TRHDE: variants seen among roughly 807,000 people sequenced by gnomAD.
TRHDE encodes thyrotropin releasing hormone degrading enzyme.
In TRHDE, 72 loss-of-function variants were observed where a neutral mutation model predicts 125.7. The ratio of observed to expected loss-of-function variants is 0.57; its 90% CI spans 0.47 to 0.70. The LOEUF (loss-of-function observed/expected upper bound fraction) is 0.70, where lower values mean the gene tolerates loss of function less well. Among genes scored for constraint, TRHDE ranks in the 30% least tolerant of loss-of-function variants. The pLI is 0.00. For synonymous variants in TRHDE, 509 were observed against 509.1 expected (o/e 1.00, Z 0.00); for missense variants, 1,110 against 1,327.1 (o/e 0.84, Z 2.54).
chr12:72,374,914 G>T (rs1238798632), intron 2 of TRHDE, among the ~76,000 whole-genome samples: 1 of 152,090 alleles, frequency 6.6e-6, no homozygotes, highest in Non-Finnish European at 1.5e-5. Flanking sequence ...GATGTGTTTT[G>T]GTTTGGCTGT....
chr12:72,598,561 C>T (rs1414508422), intron 12 of TRHDE, among the ~76,000 whole-genome samples: 1 of 152,072 alleles, frequency 6.6e-6, no homozygotes, highest in Non-Finnish European at 1.5e-5. Flanking sequence ...CCTTATACAA[C>T]CAAGTCTAAG....
intron 7 of TRHDE, among the ~76,000 whole-genome samples, chr12:72,542,561 T>G (rs1869209648): frequency 6.6e-6 from 1 of 151,368 alleles, no homozygotes; most frequent in Non-Finnish European, 1.5e-5. Context: ...TTGAACAATT[T>G]AGAATCTGTT....
intron 7 of TRHDE, among the ~76,000 whole-genome samples, chr12:72,544,578 T>C (rs1200854182): frequency 6.6e-6 from 1 of 151,430 alleles, no homozygotes; most frequent in African/African-American, 2.4e-5. Flanking sequence ...TTGCTCTCTT[T>C]TCTTCCTTTC....
At chr12:72,624,065 G>A (rs981390492) in intron 15 of TRHDE, among the ~76,000 whole-genome samples, 13 of 151,924 alleles carry the variant, frequency 8.6e-5, no homozygotes, top group Admixed American at 2.6e-4. Context: ...ACTACATGAC[G>A]TGCCCAGCAA....
At chr12:72,093,215 G>A (rs1874833226) in intron 1 of TRHDE, among the ~76,000 whole-genome samples, 1 of 152,166 alleles carries the variant, frequency 6.6e-6, no homozygotes, top group South Asian at 2.1e-4. Context: ...TTCTTTATTT[G>A]TGATGAATCT....
chr12:72,117,599 G>A (rs986361507), intron 2 of TRHDE, among the ~76,000 whole-genome samples: 15 of 151,830 alleles, frequency 9.9e-5, no homozygotes, highest in African/African-American at 3.4e-4. Context: ...GATTGTTTTC[G>A]CTATTTCTGT....
At chr12:72,299,641 G>GAA (rs1397226864) in intron 2 of TRHDE, among the ~76,000 whole-genome samples, 1 of 152,166 alleles carries the variant, frequency 6.6e-6, no homozygotes, top group Non-Finnish European at 1.5e-5. Context: ...GAATTCATCA[G>GAA]AAGTTCATAT....
At chr12:72,484,283 A>C (rs1300944916) in intron 5 of TRHDE, among the ~76,000 whole-genome samples, 1 of 152,184 alleles carries the variant, frequency 6.6e-6, no homozygotes, top group Non-Finnish European at 1.5e-5. Flanking sequence ...GTCCTATCAG[A>C]TTGTTAAAAA....
chr12:72,340,708 A>G (rs7970708), intron 2 of TRHDE, among the ~76,000 whole-genome samples: 18,839 of 152,050 alleles, frequency 0.12, 1,752 homozygotes, highest in East Asian at 0.47. Flanking sequence ...GAAAGAGGAA[A>G]GGGAGAAAAA....
intron 2 of TRHDE, among the ~76,000 whole-genome samples, chr12:72,304,903 G>A (rs1305693855): frequency 6.6e-6 from 1 of 152,164 alleles, no homozygotes; most frequent in East Asian, 1.9e-4. Context: ...TATTTCCTCT[G>A]TAAGCAGGTT....
chr12:72,581,869 G>A (rs1383490607), intron 12 of TRHDE, among the ~76,000 whole-genome samples: 1 of 151,910 alleles, frequency 6.6e-6, no homozygotes, highest in Non-Finnish European at 1.5e-5. Flanking sequence ...TTGGGAGGCC[G>A]AGGTGGGCAG....
intron 3 of TRHDE, among the ~76,000 whole-genome samples, chr12:72,391,488 T>C (rs1351750514): frequency 6.6e-6 from 1 of 152,222 alleles, no homozygotes; most frequent in East Asian, 1.9e-4. Context: ...ATTTATTCTT[T>C]ATTGGCTTTA....
At chr12:72,364,022 T>A (rs1383973041) in intron 2 of TRHDE, among the ~76,000 whole-genome samples, 1 of 152,054 alleles carries the variant, frequency 6.6e-6, no homozygotes, top group Non-Finnish European at 1.5e-5. Context: ...CCATTCACAA[T>A]TGCTTCAAAG....
At chr12:72,257,193 G>T (rs567073123) in intron 2 of TRHDE, 1 of 152,232 alleles carries the variant, frequency 6.6e-6, no homozygotes, top group East Asian at 1.9e-4. Flanking sequence ...CCAAAAATCT[G>T]AAATCCGATG....
chr12:72,519,228 T>C (rs1164937125), intron 6 of TRHDE, among the ~76,000 whole-genome samples: 1 of 152,190 alleles, frequency 6.6e-6, no homozygotes, highest in Admixed American at 6.5e-5. Flanking sequence ...CTGGATAATA[T>C]CCTGCAGAGT....
chr12:72,648,816 A>T (rs1874386361), intron 15 of TRHDE, among the ~76,000 whole-genome samples: 1 of 152,088 alleles, frequency 6.6e-6, no homozygotes, highest in South Asian at 2.1e-4. Flanking sequence ...CTTTCAAAAG[A>T]ATAAAATACT....
intron 1 of TRHDE, among the ~76,000 whole-genome samples, chr12:72,276,840 G>A (rs1038227917): frequency 2.0e-5 from 3 of 152,220 alleles, no homozygotes; most frequent in Non-Finnish European, 4.4e-5. Flanking sequence ...AACTAGGTGT[G>A]CAGCAGGCAG....
chr12:72,212,807 T>C lies in TRHDE; in HGVS notation n.279+107055T>C, dbSNP rs557539530. The stretch of plus-strand genomic sequence containing the variant: ...TAAAATGCTAAACATAGAGTTATCA[T>C]AGAATCCAGTAGTCACACTCCTTGG... On this transcript the variant is annotated intron_variant and non_coding_transcript_variant, in intron 2 of 4. Coordinates refer to the TRHDE transcript ENST00000548156. 2.0e-5 allele frequency among the ~76,000 whole-genome samples: 3 copies of C among 152,274 alleles called. No individual in the cohort carries two copies. The South Asian group carries it at 6.2e-4, about 32-fold the overall frequency.
At chr12:72,209,404 C>T (rs1024399204) in intron 2 of TRHDE, among the ~76,000 whole-genome samples, 6 of 152,110 alleles carry the variant, frequency 3.9e-5, no homozygotes, top group Non-Finnish European at 8.8e-5. Context: ...TACAAGCATG[C>T]AGTTTTTAAA....
Sources: allele counts gnomAD v4.1 joint callset (sites outside exome capture counted in the v4.1 genomes callset), GRCh38; gene constraint gnomAD v4.1.1; transcripts MANE v1.5; gene names NCBI Gene and HGNC (gene_info 2026-07-23, HGNC 2026-07-21).